SEPSECS: variants seen among roughly 807,000 people sequenced by gnomAD.
The protein encoded by SEPSECS is Sep (O-phosphoserine) tRNA:Sec (selenocysteine) tRNA synthase.
SEPSECS carries 42 observed loss-of-function variants against 52.1 expected under a neutral mutation model. The ratio of observed to expected loss-of-function variants is 0.81; its 90% confidence interval spans 0.63 to 1.04. The LOEUF (loss-of-function observed/expected upper bound fraction) is 1.04, where lower values mean the gene tolerates loss of function less well. SEPSECS is among the 50% of genes least tolerant of loss of function. The pLI, the probability that SEPSECS is intolerant of heterozygous loss-of-function variation, is 0.00. For synonymous variants in SEPSECS, 216 were observed against 211.4 expected (o/e 1.02, Z -0.19); for missense variants, 590 against 610.6 (o/e 0.97, Z 0.36).
At chr4:25,146,099 T>C (rs1468433839) in intron 6 of SEPSECS, among the ~76,000 whole-genome samples, 2 of 152,228 alleles carry the variant, frequency 1.3e-5, no homozygotes, top group Non-Finnish European at 2.9e-5. Context: ...TTTTCTCCTC[T>C]TAAAAATAGA....
At position 25,156,127 on chromosome 4, in the gene SEPSECS, A is replaced by G; in HGVS notation, c.457T>C (p.Leu153=). The G allele has an allele frequency of 6.2e-7, 1 of 1,613,994 alleles. No individual in the cohort carries two copies. Among genetic ancestry groups the G allele is most frequent in the Non-Finnish European group, 8.5e-7 (1 of 1,179,870 alleles). ...TTTGGTCTTTTGTGTCGTAATGTTA[A>G]GAAACACAGAGTTAGACTCATACCA... ...ATGMSLTLCF[L]TLRHKRPKAK... Residue 153 remains leucine (L), a synonymous_variant, in exon 4 of 11, where the codon TTA becomes CTA. Transcript: ENST00000382103.
intron 6 of SEPSECS, among the ~76,000 whole-genome samples, chr4:25,148,168 C>T (rs906489607): frequency 8.6e-5 from 13 of 151,902 alleles, no homozygotes; most frequent in African/African-American, 1.2e-4. Context: ...CTGGCTAACA[C>T]GGTGAAACCC....
At chr4:25,129,970 C>T (rs574007364) in intron 8 of SEPSECS, among the ~76,000 whole-genome samples, 1 of 152,294 alleles carries the variant, frequency 6.6e-6, no homozygotes, top group East Asian at 1.9e-4. Context: ...AAAGTCTTAA[C>T]TGGCCTCTGC....
At chr4:25,138,962 C>T (rs1323443392) in intron 8 of SEPSECS, among the ~76,000 whole-genome samples, 1 of 152,208 alleles carries the variant, frequency 6.6e-6, no homozygotes, top group African/African-American at 2.4e-5. Context: ...CAGCTTAAAA[C>T]ACCCTTTCAT....
At chr4:25,146,737 G>T (rs1293609882) in intron 6 of SEPSECS, among the ~76,000 whole-genome samples, 1 of 152,128 alleles carries the variant, frequency 6.6e-6, no homozygotes. Flanking sequence ...AATGGTACAA[G>T]ACCCCCTTTT....
chr4:25,160,458 G>A (rs1333940814), upstream of SEPSECS: 2 of 1,078,618 alleles, frequency 1.9e-6, no homozygotes, highest in East Asian at 2.6e-5. Flanking sequence ...TCGCCGCCTG[G>A]ACGGTACGGC....
chr4:25,144,266 G>A (rs1560329784), intron 8 of SEPSECS, among the ~76,000 whole-genome samples: 1 of 150,814 alleles, frequency 6.6e-6, no homozygotes, highest in Non-Finnish European at 1.5e-5. Context: ...TTTGAACCTG[G>A]GAGGCGGAGG....
intron 2 of SEPSECS, among the ~76,000 whole-genome samples, chr4:25,158,306 T>A (rs1223217372): frequency 6.6e-6 from 1 of 152,238 alleles, no homozygotes; most frequent in Non-Finnish European, 1.5e-5. Context: ...TGTAAAAGCA[T>A]GGAAGACAGG....
intron 8 of SEPSECS, among the ~76,000 whole-genome samples, chr4:25,138,076 GA>G: frequency 6.6e-6 from 1 of 152,266 alleles, no homozygotes; most frequent in Admixed American, 6.5e-5. Flanking sequence ...GGTGCAGGGG[GA>G]GGGAGAGCAT....
At chr4:25,155,252 A>G in intron 4 of SEPSECS, 101 bp from the exon 5 acceptor site, 1 of 1,297,288 alleles carries the variant, frequency 7.7e-7, no homozygotes, top group Non-Finnish European at 1.1e-6. Flanking sequence ...AACTCTTAAT[A>G]TTTATTTTGG....
chr4:25,144,638 C>T lies in SEPSECS; in HGVS notation c.1026+136G>A, dbSNP rs946797275. On this transcript the variant is annotated intron_variant, in intron 8 of 10. Coordinates refer to ENST00000382103, the MANE Select transcript of SEPSECS (RefSeq NM_016955.4). Reference sequence around the variant, plus strand: ...AATAGGAAACCACCTATGGTGGTTCCAGATCTGAATAAATACTATCGGACC... The same window carrying T: ...AATAGGAAACCACCTATGGTGGTTCTAGATCTGAATAAATACTATCGGACC... 1.0e-4 allele frequency: 68 copies of T among 672,072 alleles called. No homozygotes were observed. In the Admixed American group the frequency reaches 1.6e-3, roughly 16 times the overall value. 41.6% of individuals were successfully genotyped at this position (672,072 alleles called of 1,614,324 possible).
In SEPSECS at chr4:25,156,907, G is replaced by GGCTAGA; in HGVS notation, c.331_336dup (p.Ser111_Ser112dup). Reference sequence around the variant, plus strand: ...AAAGAATTGGTAATTTTGTTCAAAAGGCTAGAGCCTGCAGCTTTTGGTTGC... The same window carrying GGCTAGA: ...AAAGAATTGGTAATTTTGTTCAAAAGGCTAGAGCTAGAGCCTGCAGCTTTTGGTTGC... On this transcript the variant is annotated inframe_insertion, in exon 3 of 11. Coordinates refer to ENST00000382103, the MANE Select transcript of SEPSECS (RefSeq NM_016955.4). The GGCTAGA allele has an allele frequency of 6.2e-7, 1 of 1,613,278 alleles. No individual in the cohort carries two copies. Among genetic ancestry groups the GGCTAGA allele is most frequent in the Non-Finnish European group, 8.5e-7 (1 of 1,179,338 alleles).
At position 25,152,053 on chromosome 4, in the gene SEPSECS, T is replaced by C; in HGVS notation, c.711A>G (p.Glu237=). The change falls in exon 6 of 11, where the codon GAA becomes GAG. Residue 237 remains glutamate, a synonymous_variant. Coordinates refer to ENST00000382103, the MANE Select transcript of SEPSECS (RefSeq NM_016955.4). ...CATAATTAGCACAAATCACAGCCAG[T>C]TCTTCTAATCTATAAACATAAATAT... is the stretch of plus-strand genomic sequence containing the variant. ...FAPRVPDRLE[E]LAVICANYDI... is the part of the protein sequence containing the mutation. 1 of 1,541,666 alleles carries C rather than the reference T, an allele frequency of 6.5e-7. No homozygotes were observed.
rs143277019 is a variant in SEPSECS at position 25,124,789 on chromosome 4, G to T, written c.1212-564C>A. ...AGAAGTTATGTAACTGTTTATAGTGGGGTGGTAGTCAGCAAACAGTAATAT... is the reference window on the plus strand; with the variant it reads ...AGAAGTTATGTAACTGTTTATAGTGTGGTGGTAGTCAGCAAACAGTAATAT... On this transcript the variant is annotated intron_variant, in intron 10 of 10. Coordinates refer to ENST00000382103, the MANE Select transcript of SEPSECS (RefSeq NM_016955.4). Among the ~76,000 whole-genome samples the T allele has an allele frequency of 1.2e-4, 18 of 152,046 alleles. No individual in the cohort carries two copies. The East Asian group carries it at 3.5e-3, about 29-fold the overall frequency.
intron 5 of SEPSECS, among the ~76,000 whole-genome samples, chr4:25,152,407 CT>C (rs1712358004): frequency 1.3e-5 from 2 of 152,084 alleles, no homozygotes; most frequent in Admixed American, 6.5e-5. Context: ...ATGGTATGCT[CT>C]TTTTTTCCAC....
Position 25,123,975 on chromosome 4 carries a change from G to C in SEPSECS, c.1462C>G (p.Leu488Val), listed in dbSNP as rs1445878257. ...DVDIEEMALK[L>V]DNVLLDTYQD... The stretch of plus-strand genomic sequence containing the variant: ...TATGTGTCAAGAAGTACATTATCTA[G>C]TTTTAAAGCCATTTCTTCAATATCC... The change falls in exon 11 of 11, where the codon CTA (leucine) becomes GTA (valine). Residue 488 changes from leucine to valine, a missense_variant. Physicochemically the swap from Leu to Val is conservative, Grantham distance 32. Transcript: ENST00000382103. 1 of 1,613,442 alleles carries C rather than the reference G, an allele frequency of 6.2e-7. No homozygotes were observed. Among genetic ancestry groups the C allele is most frequent in the South Asian group, 1.1e-5 (1 of 91,060 alleles).
chr4:25,132,081 T>C (rs2109008686), intron 8 of SEPSECS, among the ~76,000 whole-genome samples: 1 of 152,266 alleles, frequency 6.6e-6, no homozygotes, highest in East Asian at 1.9e-4. Context: ...GAGGCTCAAT[T>C]CACACACAGA....
In SEPSECS at chr4:25,160,045, T is replaced by G. The variant is rs575550743; in HGVS notation, c.114+211A>C. 280 of 985,126 alleles carry G rather than the reference T, an allele frequency of 2.8e-4. No individual in the cohort carries two copies. The African/African-American group carries it at 4.7e-3, about 16-fold the overall frequency. The allele number at this position is 985,126 out of a possible 1,614,324, so 61.0% of individuals were successfully genotyped here. ...TCAAAACCCCGACCCCAACACCCCC[T>G]CCTAACAACACCATTTGGCTTTCAC... is the stretch of plus-strand genomic sequence containing the variant. On this transcript the variant is annotated intron_variant, in intron 1 of 10. Coordinates refer to ENST00000382103, the MANE Select transcript of SEPSECS (RefSeq NM_016955.4).
intron 1 of SEPSECS, 21 bp from the exon 2 acceptor site, chr4:25,159,128 T>G (rs1560338455): frequency 1.5e-6 from 2 of 1,370,040 alleles, no homozygotes; most frequent in Admixed American, 2.1e-5. Context: ...AAAAAAAACT[T>G]ATGATTATAT....
Sources: allele counts gnomAD v4.1 joint callset (sites outside exome capture counted in the v4.1 genomes callset), GRCh38; gene constraint gnomAD v4.1.1; transcripts MANE v1.5; gene names NCBI Gene and HGNC (gene_info 2026-07-23, HGNC 2026-07-21).